The following B4GALT6 variants were observed in gnomAD, a reference collection of about 807,000 sequenced individuals.
The protein encoded by B4GALT6 is beta-1,4-galactosyltransferase 6.
In B4GALT6, 14 loss-of-function variants were observed where a neutral mutation model predicts 46.3. That is an observed-to-expected ratio of 0.30 (90% confidence interval 0.20 to 0.47). The LOEUF is 0.47. Ranked by LOEUF, B4GALT6 falls within the 20% of genes least tolerant of loss-of-function variation. The pLI is 0.99. For synonymous variants in B4GALT6, 168 were observed against 162.0 expected, an observed-to-expected ratio of 1.04 and a Z score of -0.28; for missense variants, 386 against 480.1, an observed-to-expected ratio of 0.80 and a Z score of 1.83.
intron 6 of B4GALT6, among the ~76,000 whole-genome samples, chr18:31,630,544 A>G (rs1280946217): frequency 6.6e-6 from 1 of 152,048 alleles, no homozygotes; most frequent in East Asian, 1.9e-4. Flanking sequence ...AGTCAAGATG[A>G]GTTATGCACC....
the B4GALT6 span, chr18:31,724,309 C>T: frequency 1.9e-6 from 1 of 523,124 alleles, no homozygotes; most frequent in Non-Finnish European, 3.0e-6. Flanking sequence ...CCTCACATGG[C>T]AACTATTGTG....
the B4GALT6 span, among the ~76,000 whole-genome samples, chr18:31,716,432 C>A: frequency 6.6e-6 from 1 of 152,224 alleles, no homozygotes; most frequent in Admixed American, 6.5e-5. Flanking sequence ...AGATACTATA[C>A]CTGTAATTTA....
chr18:31,723,404 A>C, the B4GALT6 span, among the ~76,000 whole-genome samples: 1 of 152,172 alleles, frequency 6.6e-6, no homozygotes, highest in Non-Finnish European at 1.5e-5. Context: ...AAAATTATTT[A>C]ACATGCTGAC....
Position 31,666,458 on chromosome 18 carries a change from C to T in B4GALT6, c.116-86G>A, listed in dbSNP as rs570578806. The T allele has an allele frequency of 4.8e-5, 25 of 522,754 alleles. No homozygotes were observed. In the African/African-American group the frequency reaches 4.9e-4, roughly 10 times the overall value. The allele number at this position is 522,754 out of a possible 1,614,324, so 32.4% of individuals were successfully genotyped here. A position where few individuals can be genotyped will look rare whatever the true frequency, so the allele number is the denominator to read the frequency against. On this transcript the variant is annotated intron_variant, in intron 1 of 8. Coordinates refer to ENST00000306851, the MANE Select transcript of B4GALT6 (RefSeq NM_004775.5). The stretch of plus-strand genomic sequence containing the variant: ...AATAATATTCAGAATTGGGGAAGTG[C>T]CCAATAAACATAAACTGACTCAATC...
At chr18:31,712,461 C>T in the B4GALT6 span, among the ~76,000 whole-genome samples, 1 of 151,832 alleles carries the variant, frequency 6.6e-6, no homozygotes, top group Non-Finnish European at 1.5e-5. Context: ...CACCACCACG[C>T]CCAGATAATT....
intron 6 of B4GALT6, among the ~76,000 whole-genome samples, chr18:31,630,444 G>A (rs1448662663): frequency 2.0e-5 from 3 of 151,510 alleles, no homozygotes; most frequent in Admixed American, 6.6e-5. Context: ...TTAAAGGGCA[G>A]GTCAAGAATG....
chr18:31,693,739 G>A, the B4GALT6 span, among the ~76,000 whole-genome samples: 1 of 152,156 alleles, frequency 6.6e-6, no homozygotes, highest in Non-Finnish European at 1.5e-5. Context: ...AGGCTGAGGT[G>A]GGAGGATTGC....
intron 1 of B4GALT6, among the ~76,000 whole-genome samples, chr18:31,679,464 T>C (rs1175237037): frequency 6.6e-6 from 1 of 152,156 alleles, no homozygotes; most frequent in Admixed American, 6.5e-5. Context: ...GTAACAAAGC[T>C]AGGGAGTGAG....
intron 4 of B4GALT6, among the ~76,000 whole-genome samples, chr18:31,643,488 G>A (rs1472363112): frequency 1.3e-5 from 2 of 151,990 alleles, no homozygotes; most frequent in South Asian, 2.1e-4. Flanking sequence ...TAGTAGGGAT[G>A]AGGTTTCATC....
intron 1 of B4GALT6, among the ~76,000 whole-genome samples, chr18:31,682,127 G>A (rs990653183): frequency 7.9e-5 from 12 of 152,220 alleles, no homozygotes; most frequent in African/African-American, 2.9e-4. Flanking sequence ...AAAAACTATG[G>A]TTAAACTTGT....
At chr18:31,705,458 G>A in the B4GALT6 span, among the ~76,000 whole-genome samples, 5 of 151,980 alleles carry the variant, frequency 3.3e-5, no homozygotes, top group African/African-American at 1.2e-4. Context: ...GTGTAATCTC[G>A]GCTCACTGCA....
chr18:31,693,257 T>C, the B4GALT6 span, among the ~76,000 whole-genome samples: 1 of 152,120 alleles, frequency 6.6e-6, no homozygotes, highest in South Asian at 2.1e-4. Context: ...ACCACTCAGC[T>C]CAGGATGGTT....
chr18:31,701,337 C>A, the B4GALT6 span, among the ~76,000 whole-genome samples: 1 of 152,220 alleles, frequency 6.6e-6, no homozygotes, highest in African/African-American at 2.4e-5. Flanking sequence ...GCTTCTCCTG[C>A]ACCTTCCATC....
At position 31,658,104 on chromosome 18, in the gene B4GALT6, A is replaced by G. The variant is rs1166102789; in HGVS notation, c.233-15T>C. ...TTCGGGATAATCTTGGAAAGAGAGA[A>G]AAGAGTTACAAAAAAAAAAAAAAGG... On this transcript the variant is annotated splice_polypyrimidine_tract_variant and intron_variant, in intron 2 of 8. Transcript: ENST00000306851. The G allele has an allele frequency of 1.3e-6, 2 of 1,551,144 alleles. No individual in the cohort carries two copies. The highest frequency in any genetic ancestry group is 1.7e-6 in the Non-Finnish European group (2 of 1,150,744).
At chr18:31,675,803 A>G (rs2074408018) in intron 1 of B4GALT6, among the ~76,000 whole-genome samples, 1 of 152,208 alleles carries the variant, frequency 6.6e-6, no homozygotes. Context: ...AAAATTGTTG[A>G]AAATTAGTGA....
chr18:31,662,621 C>T (rs774640049), intron 2 of B4GALT6, among the ~76,000 whole-genome samples: 6 of 152,090 alleles, frequency 3.9e-5, no homozygotes, highest in Non-Finnish European at 8.8e-5. Context: ...AAGGGTGGAC[C>T]ACAAGGTCAG....
chr18:31,681,601 T>G lies in B4GALT6; in HGVS notation c.115+2711A>C, dbSNP rs1443582556. Reference sequence around the variant, plus strand: ...AGAAATAGACTATTTCAGAGGAACATCTGAAAACACTGGAAACTAAACAGA... The same window carrying G: ...AGAAATAGACTATTTCAGAGGAACAGCTGAAAACACTGGAAACTAAACAGA... On this transcript the variant is annotated intron_variant, in intron 1 of 8. Transcript: ENST00000306851. Among the ~76,000 whole-genome samples, 3 of 152,176 alleles carry G rather than the reference T, an allele frequency of 2.0e-5. No homozygotes were observed. In the East Asian group the frequency reaches 5.8e-4, roughly 29 times the overall value.
intron 3 of B4GALT6, among the ~76,000 whole-genome samples, chr18:31,655,508 G>A (rs11081706): frequency 0.43 from 65,372 of 152,054 alleles, 16,227 homozygotes; most frequent in East Asian, 0.7. Flanking sequence ...AGCCACGCAC[G>A]ACGCAATCTC....
chr18:31,697,461 G>A, the B4GALT6 span, among the ~76,000 whole-genome samples: 8 of 134,884 alleles, frequency 5.9e-5, no homozygotes, highest in African/African-American at 2.1e-4. Flanking sequence ...GGGTGGCAGC[G>A]AGGGTCGGGG....
Sources: allele counts gnomAD v4.1 joint callset (sites outside exome capture counted in the v4.1 genomes callset), GRCh38; gene constraint gnomAD v4.1.1; transcripts MANE v1.5; gene names NCBI Gene and HGNC (gene_info 2026-07-23, HGNC 2026-07-21).